LINGO2: variants seen among roughly 807,000 people sequenced by gnomAD.
The protein encoded by LINGO2 is leucine-rich repeat and immunoglobulin-like domain-containing nogo receptor-interacting protein 2.
A neutral mutation model predicts 30.6 loss-of-function variants in LINGO2; 14 were observed. That is an observed-to-expected ratio of 0.46 (90% confidence interval 0.30 to 0.72). The LOEUF is 0.72. Among genes scored for constraint, LINGO2 ranks in the 30% least tolerant of loss-of-function variants. The probability of loss-of-function intolerance (pLI) is 0.07; values close to 1 mark genes in which losing one functional copy is unlikely to be tolerated. For synonymous variants in LINGO2, 317 were observed against 288.5 expected (o/e 1.10, Z -1.00); for missense variants, 729 against 751.7 (o/e 0.97, Z 0.35).
chr9:28,863,492 A>G, the LINGO2 span: 2 of 372,926 alleles, frequency 5.4e-6, no homozygotes, highest in Non-Finnish European at 1.1e-5. Context: ...TAAGCACCAA[A>G]TAGAAGGATT....
chr9:28,857,259 C>T, the LINGO2 span, among the ~76,000 whole-genome samples: 3 of 152,020 alleles, frequency 2.0e-5, no homozygotes, highest in Non-Finnish European at 4.4e-5. Context: ...GAGTCTAGAA[C>T]TGAGCCTTGA....
At chr9:29,211,557 CCTTCTCTTCT>C in the LINGO2 span, among the ~76,000 whole-genome samples, 32 of 150,870 alleles carry the variant, frequency 2.1e-4, no homozygotes, top group Admixed American at 8.6e-4. Flanking sequence ...TCCTTCTCAT[CCTTCTCTTCT>C]CTTCTCTTCT....
intron 4 of LINGO2, among the ~76,000 whole-genome samples, chr9:28,075,316 T>A (rs1825592196): frequency 6.6e-6 from 1 of 152,056 alleles, no homozygotes; most frequent in Non-Finnish European, 1.5e-5. Context: ...TTATTGTTGT[T>A]TAGTAATCAC....
the LINGO2 span, among the ~76,000 whole-genome samples, chr9:29,093,379 T>C: frequency 7.8e-4 from 104 of 133,568 alleles, 17 homozygotes; most frequent in African/African-American, 2.8e-3. Context: ...ACTAATTTGT[T>C]TTATCAGTAT....
chr9:28,904,098 A>T, the LINGO2 span, among the ~76,000 whole-genome samples: 9 of 152,122 alleles, frequency 5.9e-5, no homozygotes, highest in Admixed American at 3.3e-4. Flanking sequence ...AATAGAATGT[A>T]GGATAAAAAC....
intron 4 of LINGO2, among the ~76,000 whole-genome samples, chr9:28,186,357 T>A (rs1310653231): frequency 6.6e-6 from 1 of 152,140 alleles, no homozygotes; most frequent in Non-Finnish European, 1.5e-5. Flanking sequence ...GTTAAAGTAA[T>A]TATAAATGGG....
At chr9:29,175,868 C>T in the LINGO2 span, among the ~76,000 whole-genome samples, 3 of 152,206 alleles carry the variant, frequency 2.0e-5, no homozygotes, top group African/African-American at 7.2e-5. Context: ...TCTTTAAATT[C>T]TTTTATCACA....
the LINGO2 span, among the ~76,000 whole-genome samples, chr9:29,182,283 A>T: frequency 4.6e-5 from 7 of 152,270 alleles, no homozygotes; most frequent in Admixed American, 3.3e-4. Context: ...AGAAATAACA[A>T]TAAGTTAGAA....
At chr9:28,440,157 A>G (rs1380280830) in intron 2 of LINGO2, among the ~76,000 whole-genome samples, 1 of 152,138 alleles carries the variant, frequency 6.6e-6, no homozygotes, top group Non-Finnish European at 1.5e-5. Flanking sequence ...CCTGATATTT[A>G]TTATTTTATT....
At chr9:28,789,215 C>G in the LINGO2 span, among the ~76,000 whole-genome samples, 1 of 151,828 alleles carries the variant, frequency 6.6e-6, no homozygotes, top group East Asian at 1.9e-4. Context: ...TCCTATGAGT[C>G]CTTTAATGAA....
chr9:28,815,850 T>C, the LINGO2 span, among the ~76,000 whole-genome samples: 1 of 152,324 alleles, frequency 6.6e-6, no homozygotes, highest in African/African-American at 2.4e-5. Flanking sequence ...AATCCCCACC[T>C]TAGTCTTGCC....
At chr9:28,172,475 T>C (rs536055793) in intron 4 of LINGO2, among the ~76,000 whole-genome samples, 1 of 152,264 alleles carries the variant, frequency 6.6e-6, no homozygotes, top group South Asian at 2.1e-4. Context: ...GAACCCTACA[T>C]AGAAGAAAAT....
the LINGO2 span, among the ~76,000 whole-genome samples, chr9:29,046,746 A>C: frequency 6.6e-6 from 1 of 152,264 alleles, no homozygotes; most frequent in African/African-American, 2.4e-5. Flanking sequence ...GACAAGTGAG[A>C]TCTAATTAAA....
intron 3 of LINGO2, among the ~76,000 whole-genome samples, chr9:28,306,264 T>A (rs971857487): frequency 3.3e-5 from 5 of 151,884 alleles, no homozygotes; most frequent in Admixed American, 6.6e-5. Flanking sequence ...TGTTTAAATA[T>A]TTGTTGAAAT....
At chr9:28,261,733 A>G (rs907601311) in intron 4 of LINGO2, among the ~76,000 whole-genome samples, 2 of 152,044 alleles carry the variant, frequency 1.3e-5, no homozygotes, top group South Asian at 4.1e-4. Context: ...GAACCATGCA[A>G]TTGCCCAGTG....
chr9:28,706,445 T>C, the LINGO2 span, among the ~76,000 whole-genome samples: 1 of 152,288 alleles, frequency 6.6e-6, no homozygotes, highest in East Asian at 1.9e-4. Context: ...AAATTAATGT[T>C]ACTTAGGATT....
At chr9:29,139,488 A>C in the LINGO2 span, among the ~76,000 whole-genome samples, 2 of 152,170 alleles carry the variant, frequency 1.3e-5, no homozygotes, top group Non-Finnish European at 1.5e-5. Flanking sequence ...GTTAACACTT[A>C]AGACAATTAG....
chr9:28,160,803 C>G (rs1025198904), intron 4 of LINGO2, among the ~76,000 whole-genome samples: 3 of 152,176 alleles, frequency 2.0e-5, no homozygotes, highest in African/African-American at 7.2e-5. Context: ...AACTGAGTAT[C>G]AGGTACTACA....
chr9:28,976,089 G>T, the LINGO2 span, among the ~76,000 whole-genome samples: 1 of 152,050 alleles, frequency 6.6e-6, no homozygotes, highest in African/African-American at 2.4e-5. Context: ...CTACTTGTAG[G>T]CTGTGATCCT....
Sources: allele counts gnomAD v4.1 joint callset (sites outside exome capture counted in the v4.1 genomes callset), GRCh38; gene constraint gnomAD v4.1.1; transcripts MANE v1.5; gene names NCBI Gene and HGNC (gene_info 2026-07-23, HGNC 2026-07-21).